Variants in FRMD4A observed in about 807,000 individuals in gnomAD.
The protein encoded by FRMD4A is FERM domain containing 4A, also known as FERM domain-containing protein 4A.
FRMD4A carries 29 observed loss-of-function variants against 129.1 expected under a neutral mutation model. That is an observed-to-expected ratio of 0.22 (90% CI 0.17 to 0.31). The LOEUF is 0.31. FRMD4A is among the 10% of genes least tolerant of loss of function. The pLI, the probability that FRMD4A is intolerant of heterozygous loss-of-function variation, is 1.00. For missense variants in FRMD4A, 1,272 were observed against 1,375.8 expected, an observed-to-expected ratio of 0.92 and a Z score of 1.19; for synonymous variants, 634 against 571.6, an observed-to-expected ratio of 1.11 and a Z score of -1.56.
Position 13,657,385 on chromosome 10 carries a change from G to T in FRMD4A, c.2204C>A (p.Thr735Asn). The T allele has an allele frequency of 5.0e-6, 8 of 1,612,802 alleles. No individual in the cohort carries two copies. The highest frequency in any genetic ancestry group is 6.8e-6 in the Non-Finnish European group (8 of 1,179,900). The change falls in exon 22 of 25, where the codon ACT becomes AAT. Residue 735 changes from threonine (T) to asparagine (N), a missense_variant. Around this residue, in one of 2 missense-constraint regions of FRMD4A, gnomAD observed 972 missense variants for 892.3 expected, o/e 1.09. Coordinates refer to ENST00000357447, the MANE Select transcript of FRMD4A (RefSeq NM_018027.5). ...GGGGTCTGAGCCGTTGCTGCTACGA[G>T]TCCGCGGGGTGTAGAAGTCGGGGCT... ...TGSPDFYTPR[T>N]RSSNGSDPMD...
At chr10:14,204,888 A>G (rs1469019890) in intron 2 of FRMD4A, among the ~76,000 whole-genome samples, 1 of 152,160 alleles carries the variant, frequency 6.6e-6, no homozygotes, top group Non-Finnish European at 1.5e-5. Context: ...CTGCACCACC[A>G]AAATAACTGC....
intron 2 of FRMD4A, among the ~76,000 whole-genome samples, chr10:14,298,516 C>T (rs555154301): frequency 6.6e-6 from 1 of 152,296 alleles, no homozygotes; most frequent in South Asian, 2.1e-4. Context: ...AAAATACTGG[C>T]CCACTGTTGC....
intron 15 of FRMD4A, 21 bp downstream of exon 15, chr10:13,693,873 GTCCC>G: frequency 6.2e-7 from 1 of 1,607,114 alleles, no homozygotes. Context: ...CTCAGGGGGC[GTCCC>G]TCCAGCTGGC....
chr10:14,023,002 A>T (rs918885578), intron 2 of FRMD4A, among the ~76,000 whole-genome samples: 1 of 152,010 alleles, frequency 6.6e-6, no homozygotes, highest in East Asian at 1.9e-4. Context: ...CCCAAGAGTG[A>T]CTCCACAGCC....
chr10:13,689,187 C>G (rs1219703824), intron 15 of FRMD4A, among the ~76,000 whole-genome samples: 2 of 63,132 alleles, frequency 3.2e-5, no homozygotes, highest in East Asian at 1.0e-3. Context: ...GAGCAGTACA[C>G]AAACTCTTTG....
intron 2 of FRMD4A, among the ~76,000 whole-genome samples, chr10:14,024,371 G>A (rs1443795359): frequency 6.6e-6 from 1 of 152,198 alleles, no homozygotes; most frequent in Non-Finnish European, 1.5e-5. Flanking sequence ...TCCATGAGCA[G>A]GTGCTCCAGT....
intron 2 of FRMD4A, among the ~76,000 whole-genome samples, chr10:14,224,679 G>A (rs1225678111): frequency 6.6e-6 from 1 of 152,110 alleles, no homozygotes; most frequent in Admixed American, 6.5e-5. Flanking sequence ...CAGTCCCAAA[G>A]CAGCAAAAGA....
chr10:14,031,075 T>G (rs540339426), intron 2 of FRMD4A, among the ~76,000 whole-genome samples: 1 of 152,302 alleles, frequency 6.6e-6, no homozygotes, highest in East Asian at 1.9e-4. Flanking sequence ...CATCTGTCAC[T>G]TACTGTACCA....
intron 2 of FRMD4A, among the ~76,000 whole-genome samples, chr10:14,014,302 A>G (rs986327083): frequency 3.3e-5 from 5 of 152,222 alleles, no homozygotes; most frequent in Admixed American, 2.6e-4. Context: ...CCCTGACTCG[A>G]TTATTACACA....
At chr10:14,096,059 T>A (rs1296373834) in intron 2 of FRMD4A, among the ~76,000 whole-genome samples, 2 of 152,264 alleles carry the variant, frequency 1.3e-5, no homozygotes, top group African/African-American at 4.8e-5. Context: ...AGCCTTCTGC[T>A]GTGATCAGGT....
intron 2 of FRMD4A, among the ~76,000 whole-genome samples, chr10:14,102,286 G>T (rs1837347271): frequency 6.6e-6 from 1 of 152,136 alleles, no homozygotes; most frequent in Admixed American, 6.5e-5. Context: ...CAGTACCTCG[G>T]GAGGCCAAGG....
At chr10:14,160,374 T>C (rs1401288208) in intron 2 of FRMD4A, among the ~76,000 whole-genome samples, 3 of 152,102 alleles carry the variant, frequency 2.0e-5, no homozygotes, top group African/African-American at 7.2e-5. Context: ...AGGACATTGG[T>C]CTCGGCAAAG....
At chr10:14,165,526 G>A (rs1841128022) in intron 2 of FRMD4A, among the ~76,000 whole-genome samples, 2 of 152,102 alleles carry the variant, frequency 1.3e-5, no homozygotes, top group African/African-American at 4.8e-5. Flanking sequence ...ATACCCAAAG[G>A]AAAAGAAATC....
rs2085939224 is a variant in FRMD4A at position 13,693,696 on chromosome 10, T to C, written c.1117+202A>G. ...TGGTTCTACTGATGCTTTTTTTTTT[T>C]TTTTTCCCTTCCACTATTTGATTCC... On this transcript the variant is annotated intron_variant, in intron 15 of 24. Transcript: ENST00000357447. 5.5e-6 allele frequency: 4 copies of C among 727,324 alleles called. No individual in the cohort carries two copies. The African/African-American group carries it at 7.2e-5, about 13-fold the overall frequency. The allele number at this position is 727,324 out of a possible 1,614,324, so 45.1% of individuals were successfully genotyped here.
intron 2 of FRMD4A, among the ~76,000 whole-genome samples, chr10:14,245,555 G>A (rs991238536): frequency 2.6e-5 from 4 of 152,032 alleles, no homozygotes; most frequent in African/African-American, 2.4e-5. Context: ...TCTAATCCCC[G>A]CTACCTCAGA....
chr10:13,973,084 A>C (rs912316760), intron 2 of FRMD4A, among the ~76,000 whole-genome samples: 1 of 152,172 alleles, frequency 6.6e-6, no homozygotes, highest in African/African-American at 2.4e-5. Context: ...CCTCTGACTT[A>C]TTTCTTGATC....
intron 2 of FRMD4A, among the ~76,000 whole-genome samples, chr10:14,090,025 AGT>A (rs1255080046): frequency 1.3e-5 from 2 of 152,260 alleles, no homozygotes; most frequent in Non-Finnish European, 2.9e-5. Context: ...CAGCACTCTG[AGT>A]GTGTAACCCA....
intron 2 of FRMD4A, among the ~76,000 whole-genome samples, chr10:14,169,007 C>A (rs1423601857): frequency 1.3e-5 from 2 of 152,170 alleles, no homozygotes; most frequent in Non-Finnish European, 2.9e-5. Flanking sequence ...TGTTTGCACC[C>A]AACTGAGGTC....
In FRMD4A at chr10:13,867,082, A is replaced by C. The variant is rs1043184519; in HGVS notation, c.46-8170T>G. Reference sequence around the variant, plus strand: ...TAGAGCAGCTAAAATCTATTTATGTAACAAAAAACCCTAACACAATACAAT... The same window carrying C: ...TAGAGCAGCTAAAATCTATTTATGTCACAAAAAACCCTAACACAATACAAT... On this transcript the variant is annotated intron_variant, in intron 2 of 24. Coordinates refer to ENST00000357447, the MANE Select transcript of FRMD4A (RefSeq NM_018027.5). Among the ~76,000 whole-genome samples the C allele has an allele frequency of 8.5e-5, 13 of 152,302 alleles. No homozygotes were observed. In the South Asian group the frequency reaches 2.7e-3, roughly 32 times the overall value.
Sources: gnomAD v4.1 joint callset for allele counts (sites outside exome capture counted in the v4.1 genomes callset) on GRCh38, gnomAD v4.1.1 for gene constraint, gnomAD v4.1.1 regional missense constraint, MANE v1.5 for transcripts, NCBI Gene and HGNC (gene_info 2026-07-23, HGNC 2026-07-21) for gene names.